The following CPED1 variants were observed in gnomAD, a reference collection of about 807,000 sequenced individuals.
The protein encoded by CPED1 is cadherin like and PC-esterase domain containing 1, also known as cadherin-like and PC-esterase domain-containing protein 1.
A neutral mutation model predicts 128.2 loss-of-function variants in CPED1; 114 were observed. The observed-to-expected ratio is 0.89, with a 90% CI of 0.76 to 1.04. The LOEUF (loss-of-function observed/expected upper bound fraction) is 1.04, where lower values mean the gene tolerates loss of function less well. Among genes scored for constraint, CPED1 ranks in the 50% least tolerant of loss-of-function variants. CPED1 has a pLI of 0.00. For synonymous variants in CPED1, 462 were observed against 426.7 expected (o/e 1.08, Z -1.02); for missense variants, 1,211 against 1,207.1 (o/e 1.00, Z -0.05).
chr7:121,176,195 A>AG (rs1796774504), intron 16 of CPED1, among the ~76,000 whole-genome samples: 1 of 66,352 alleles, frequency 1.5e-5, no homozygotes, highest in Non-Finnish European at 4.0e-5. Flanking sequence ...CCCCGCTGGA[A>AG]AAAAAAAAAA....
chr7:121,268,810 G>A (rs1792181275), intron 21 of CPED1, among the ~76,000 whole-genome samples: 1 of 151,898 alleles, frequency 6.6e-6, no homozygotes, highest in African/African-American at 2.4e-5. Flanking sequence ...CCTCCTCTGG[G>A]TAACTTCCAG....
At chr7:120,997,851 G>A (rs989989653) in intron 2 of CPED1, among the ~76,000 whole-genome samples, 9 of 151,778 alleles carry the variant, frequency 5.9e-5, no homozygotes, top group Non-Finnish European at 1.0e-4. Flanking sequence ...GAACCCAGGA[G>A]GCAGAGGTTG....
intron 13 of CPED1, among the ~76,000 whole-genome samples, chr7:121,134,964 A>G (rs1168756405): frequency 2.0e-5 from 3 of 152,054 alleles, no homozygotes; most frequent in African/African-American, 7.2e-5. Flanking sequence ...AGAGTTCATT[A>G]CTATTGCAAT....
At position 121,099,980 on chromosome 7, in the gene CPED1, A is replaced by G. The variant is rs760968774; in HGVS notation, c.804A>G (p.Leu268=). The change falls in exon 7 of 23, where the codon CTA becomes CTG. Residue 268 remains leucine (L), a synonymous_variant. Transcript: ENST00000310396. ...AAACAATCTTTCGAGCCGAAGATCTATCTGTGATTCTTAAAGCGTATGTGT... is the reference window on the plus strand; with the variant it reads ...AAACAATCTTTCGAGCCGAAGATCTGTCTGTGATTCTTAAAGCGTATGTGT... ...PHETIFRAED[L]SVILKAYVLV... The G allele has an allele frequency of 6.2e-7, 1 of 1,613,434 alleles. No homozygotes were observed. Among genetic ancestry groups the G allele is most frequent in the Non-Finnish European group, 8.5e-7 (1 of 1,179,816 alleles).
chr7:121,037,481 CTG>C (rs1792925578), intron 3 of CPED1, among the ~76,000 whole-genome samples: 1 of 152,046 alleles, frequency 6.6e-6, no homozygotes, highest in African/African-American at 2.4e-5. Context: ...GTTCTCTATT[CTG>C]TTGGATTGGT....
intron 3 of CPED1, among the ~76,000 whole-genome samples, chr7:121,022,208 T>C (rs1792458862): frequency 6.6e-6 from 1 of 152,066 alleles, no homozygotes; most frequent in Admixed American, 6.6e-5. Context: ...TTGGGCTCCT[T>C]AAACAGCAAA....
Position 121,069,259 on chromosome 7 carries a change from G to A in CPED1, c.616+4946G>A, listed in dbSNP as rs74416558. Reference sequence around the variant, plus strand: ...GTCCTAACTCTGAGGCTTAGTTATCGTATAATTCTGAGCAAGACTTAAAAC... The same window carrying A: ...GTCCTAACTCTGAGGCTTAGTTATCATATAATTCTGAGCAAGACTTAAAAC... On this transcript the variant is annotated intron_variant, in intron 5 of 22. Transcript: ENST00000310396. Among the ~76,000 whole-genome samples, 370 of 152,218 alleles carry A rather than the reference G, an allele frequency of 2.4e-3. 3 individuals are homozygous for A. Among genetic ancestry groups the A allele is most frequent in the African/African-American group, 8.1e-3 (338 of 41,546 alleles).
chr7:121,201,220 A>G (rs1208378805), intron 16 of CPED1, among the ~76,000 whole-genome samples: 2 of 151,984 alleles, frequency 1.3e-5, no homozygotes, highest in Non-Finnish European at 2.9e-5. Context: ...TTATAGAAAT[A>G]AATTATTATC....
At chr7:121,146,667 T>C (rs1796031307) in intron 16 of CPED1, among the ~76,000 whole-genome samples, 1 of 152,162 alleles carries the variant, frequency 6.6e-6, no homozygotes, top group Admixed American at 6.6e-5. Context: ...ATTTGATTAA[T>C]TTATTAATAG....
In CPED1 at chr7:120,989,879, C is replaced by G; in HGVS notation, c.249+9C>G. ...CCCAGGAAACCAGAAAGGTAAGACTCTCATAAGCTTAACGGAGACAGTTTC... is the reference window on the plus strand; with the variant it reads ...CCCAGGAAACCAGAAAGGTAAGACTGTCATAAGCTTAACGGAGACAGTTTC... On this transcript the variant is annotated intron_variant, in intron 2 of 22. Transcript: ENST00000310396. 1 of 1,613,802 alleles carries G rather than the reference C, an allele frequency of 6.2e-7. No individual in the cohort carries two copies. The highest frequency in any genetic ancestry group is 8.5e-7 in the Non-Finnish European group (1 of 1,179,948).
At chr7:121,220,414 C>A (rs993437623) in intron 16 of CPED1, among the ~76,000 whole-genome samples, 7 of 151,948 alleles carry the variant, frequency 4.6e-5, no homozygotes, top group African/African-American at 1.7e-4. Flanking sequence ...TATAAGTCTG[C>A]GAGACAAGAC....
intron 3 of CPED1, among the ~76,000 whole-genome samples, chr7:121,027,983 A>G (rs1792638775): frequency 6.6e-6 from 1 of 152,112 alleles, no homozygotes; most frequent in African/African-American, 2.4e-5. Context: ...GACTAGCTCT[A>G]TATTTTATAA....
chr7:120,992,253 T>C (rs1305955701), intron 2 of CPED1, among the ~76,000 whole-genome samples: 1 of 152,222 alleles, frequency 6.6e-6, no homozygotes, highest in African/African-American at 2.4e-5. Flanking sequence ...GCATTGTTTC[T>C]ATCTGTAAAT....
chr7:121,032,889 T>C (rs1792772982), intron 3 of CPED1, among the ~76,000 whole-genome samples: 1 of 152,208 alleles, frequency 6.6e-6, no homozygotes. Context: ...ACAGGGCCAA[T>C]TTTAGGAAAA....
chr7:121,195,655 G>A (rs145028987), intron 16 of CPED1, among the ~76,000 whole-genome samples: 225 of 152,226 alleles, frequency 1.5e-3, no homozygotes, highest in African/African-American at 5.2e-3. Context: ...ACCACTAAGG[G>A]AATAGGGAAA....
At chr7:121,173,638 G>A (rs1404220169) in intron 16 of CPED1, among the ~76,000 whole-genome samples, 1 of 152,030 alleles carries the variant, frequency 6.6e-6, no homozygotes, top group East Asian at 1.9e-4. Flanking sequence ...GTCACTGATT[G>A]GCATTTAAGT....
chr7:121,284,757 G>T (rs1399582150), intron 22 of CPED1, among the ~76,000 whole-genome samples: 7 of 152,208 alleles, frequency 4.6e-5, no homozygotes, highest in South Asian at 4.1e-4. Context: ...GCCTTGGGCA[G>T]CTCCCCTGTG....
At chr7:121,281,817 G>A (rs961695246) in intron 22 of CPED1, among the ~76,000 whole-genome samples, 3 of 152,092 alleles carry the variant, frequency 2.0e-5, no homozygotes, top group Non-Finnish European at 4.4e-5. Flanking sequence ...ACATTGCTGT[G>A]AGAAAAACCA....
intron 16 of CPED1, among the ~76,000 whole-genome samples, chr7:121,227,157 C>T (rs984076442): frequency 6.6e-6 from 1 of 152,020 alleles, no homozygotes; most frequent in African/African-American, 2.4e-5. Flanking sequence ...TAGCAGGAAC[C>T]CAGCGTTGGC....
Sources: gnomAD v4.1 joint callset for allele counts (sites outside exome capture counted in the v4.1 genomes callset) on GRCh38, gnomAD v4.1.1 for gene constraint, MANE v1.5 for transcripts, NCBI Gene and HGNC (gene_info 2026-07-23, HGNC 2026-07-21) for gene names.